The following SH3GL2 variants were observed in gnomAD, a reference collection of about 807,000 sequenced individuals.
SH3GL2 encodes SH3 domain containing GRB2 like 2, endophilin A1, also known as endophilin-A1.
SH3GL2 carries 24 observed loss-of-function variants against 46.0 expected under a neutral mutation model. That is an observed-to-expected ratio of 0.52 (90% CI 0.38 to 0.73). The LOEUF (loss-of-function observed/expected upper bound fraction) is 0.73. Among genes scored for constraint, SH3GL2 ranks in the 30% least tolerant of loss-of-function variants. The pLI, the probability that SH3GL2 is intolerant of heterozygous loss-of-function variation, is 0.00. For missense variants in SH3GL2, 413 were observed against 424.2 expected, an observed-to-expected ratio of 0.97 and a Z score of 0.23; for synonymous variants, 196 against 147.1, an observed-to-expected ratio of 1.33 and a Z score of -2.40.
chr9:17,667,065 G>A (rs935459984), intron 1 of SH3GL2, among the ~76,000 whole-genome samples: 4 of 152,036 alleles, frequency 2.6e-5, no homozygotes, highest in African/African-American at 9.7e-5. Context: ...TGAATTGTCT[G>A]TGTCTTTTGG....
At chr9:17,702,873 C>T (rs553925872) in intron 1 of SH3GL2, among the ~76,000 whole-genome samples, 2 of 152,216 alleles carry the variant, frequency 1.3e-5, no homozygotes, top group East Asian at 3.9e-4. Flanking sequence ...ATGCTTCCCC[C>T]TTTCAGTGTT....
At chr9:17,699,379 C>A (rs1821289818) in intron 1 of SH3GL2, among the ~76,000 whole-genome samples, 1 of 152,054 alleles carries the variant, frequency 6.6e-6, no homozygotes, top group African/African-American at 2.4e-5. Context: ...AAATTAAATC[C>A]AACTGAAATG....
At chr9:17,794,957 A>G (rs1824236444) in intron 8 of SH3GL2, among the ~76,000 whole-genome samples, 1 of 152,368 alleles carries the variant, frequency 6.6e-6, no homozygotes, top group South Asian at 2.1e-4. Flanking sequence ...ACCATGTGCA[A>G]GGTCACAGAA....
chr9:17,784,895 G>A (rs1588334117), intron 3 of SH3GL2, among the ~76,000 whole-genome samples: 1 of 152,078 alleles, frequency 6.6e-6, no homozygotes, highest in South Asian at 2.1e-4. Flanking sequence ...AAATTTTTCT[G>A]TAGAAATGGG....
At chr9:17,665,707 C>G (rs1041644236) in intron 1 of SH3GL2, among the ~76,000 whole-genome samples, 4 of 151,884 alleles carry the variant, frequency 2.6e-5, no homozygotes, top group South Asian at 2.1e-4. Flanking sequence ...TCCTTGGAAT[C>G]AGCCAGTACT....
At chr9:17,791,205 G>C in intron 6 of SH3GL2, 26 bp from the exon 7 acceptor site, 1 of 1,539,902 alleles carries the variant, frequency 6.5e-7, no homozygotes. Context: ...GTAAAACTAA[G>C]GCATGATTTT....
intron 1 of SH3GL2, among the ~76,000 whole-genome samples, chr9:17,745,448 T>A (rs147298295): frequency 9.8e-5 from 15 of 152,318 alleles, no homozygotes; most frequent in Non-Finnish European, 1.6e-4. Context: ...TTAATTTTCA[T>A]AACCGCTCTG....
intron 1 of SH3GL2, among the ~76,000 whole-genome samples, chr9:17,688,465 A>C (rs1456531170): frequency 6.6e-6 from 1 of 152,038 alleles, no homozygotes; most frequent in Non-Finnish European, 1.5e-5. Context: ...AAACGAAAAT[A>C]AGACCCAGTG....
At position 17,786,387 on chromosome 9, in the gene SH3GL2, G is replaced by C; in HGVS notation, c.194G>C (p.Arg65Thr). 6.2e-7 allele frequency: 1 copy of C among 1,608,928 alleles called. No homozygotes were observed. The highest frequency in any genetic ancestry group is 8.5e-7 in the Non-Finnish European group (1 of 1,178,396). The change falls in exon 4 of 9, where the codon AGA (arginine) becomes ACA (threonine). Residue 65 changes from arginine (R) to threonine (T), a missense_variant. Around this residue, in one of 3 missense-constraint regions of SH3GL2, gnomAD observed 160 missense variants for 192.3 expected, o/e 0.83. Transcript: ENST00000380607. ...GTTCTCTCTTCACCTTCAGCTTCCA[G>C]AGCTAAGCTCAGCATGATCAACACC... The part of the protein sequence containing the change: ...IEYLQPNPAS[R>T]AKLSMINTMS...
intron 1 of SH3GL2, among the ~76,000 whole-genome samples, chr9:17,692,509 G>T (rs1019986163): frequency 1.3e-5 from 2 of 151,972 alleles, no homozygotes; most frequent in Non-Finnish European, 2.9e-5. Context: ...AGCTGGGTCT[G>T]GTGGTGCATG....
At chr9:17,595,636 C>A (rs1257953212) in intron 1 of SH3GL2, among the ~76,000 whole-genome samples, 1 of 152,114 alleles carries the variant, frequency 6.6e-6, no homozygotes, top group Non-Finnish European at 1.5e-5. Flanking sequence ...AAATTGTAAA[C>A]AACCTCAATA....
chr9:17,637,828 T>A (rs896840818), intron 1 of SH3GL2, among the ~76,000 whole-genome samples: 6 of 152,142 alleles, frequency 3.9e-5, no homozygotes, highest in Admixed American at 2.6e-4. Flanking sequence ...ACACTTAATA[T>A]CTATTCCTCC....
At chr9:17,704,939 G>C (rs893701518) in intron 1 of SH3GL2, among the ~76,000 whole-genome samples, 5 of 151,474 alleles carry the variant, frequency 3.3e-5, no homozygotes, top group Admixed American at 1.3e-4. Flanking sequence ...ACAAAATAGA[G>C]ATCTTCTGCA....
chr9:17,643,673 C>T (rs1487215517), intron 1 of SH3GL2, among the ~76,000 whole-genome samples: 7 of 152,138 alleles, frequency 4.6e-5, no homozygotes, highest in Non-Finnish European at 7.4e-5. Flanking sequence ...TTGCATCCCA[C>T]GGGTGAAGCC....
chr9:17,732,977 T>C (rs1822223656), intron 1 of SH3GL2, among the ~76,000 whole-genome samples: 1 of 152,104 alleles, frequency 6.6e-6, no homozygotes, highest in South Asian at 2.1e-4. Context: ...TGTCTGACCA[T>C]AGCATACCTG....
chr9:17,652,203 A>G (rs1819974309), intron 1 of SH3GL2, among the ~76,000 whole-genome samples: 1 of 152,110 alleles, frequency 6.6e-6, no homozygotes, highest in Non-Finnish European at 1.5e-5. Flanking sequence ...CTCATAATTT[A>G]CTGTTGTTAC....
intron 1 of SH3GL2, among the ~76,000 whole-genome samples, chr9:17,648,483 C>T (rs1819880118): frequency 6.6e-6 from 1 of 152,162 alleles, no homozygotes; most frequent in Non-Finnish European, 1.5e-5. Context: ...TTTGGAAAGC[C>T]ATTGTTCTGA....
intron 1 of SH3GL2, among the ~76,000 whole-genome samples, chr9:17,648,736 A>G (rs1747863341): frequency 6.6e-6 from 1 of 152,228 alleles, no homozygotes; most frequent in African/African-American, 2.4e-5. Context: ...CAGATCTCAC[A>G]TAATTTTCTT....
Position 17,789,525 on chromosome 9 carries a change from G to C in SH3GL2, c.599G>C (p.Ser200Thr). The change falls in exon 6 of 9, where the codon AGC (serine) becomes ACC (threonine). Residue 200 changes from serine (S) to threonine (T), a missense_variant. By Grantham distance (58) the Ser-to-Thr change is moderately conservative. This residue lies in a region of SH3GL2 where 248 missense variants were observed against 215.0 expected (regional missense o/e 1.15). Coordinates refer to ENST00000380607, the MANE Select transcript of SH3GL2 (RefSeq NM_003026.5). ...GAGTCTAAGGAAATTGCTGAGTCAA[G>C]CATGTTCAATCTCTTGGAGATGGAT... is the stretch of plus-strand genomic sequence containing the variant. ...FDESKEIAES[S>T]MFNLLEMDIE... 1 of 1,613,442 alleles carries C rather than the reference G, an allele frequency of 6.2e-7. No homozygotes were observed. Among genetic ancestry groups the C allele is most frequent in the Non-Finnish European group, 8.5e-7 (1 of 1,179,528 alleles).
Sources: allele counts gnomAD v4.1 joint callset (sites outside exome capture counted in the v4.1 genomes callset), GRCh38; gene constraint gnomAD v4.1.1; regional missense constraint gnomAD v4.1.1; transcripts MANE v1.5; gene names NCBI Gene and HGNC (gene_info 2026-07-23, HGNC 2026-07-21).